The following SAMSN1 variants were observed in gnomAD, a reference collection of about 807,000 sequenced individuals.
The protein encoded by SAMSN1 is SAM domain, SH3 domain and nuclear localization signals 1.
In SAMSN1, 31 loss-of-function variants were observed where a neutral mutation model predicts 42.0. The ratio of observed to expected loss-of-function variants is 0.74; its 90% CI spans 0.55 to 1.00. The LOEUF is 1.00. Among genes scored for constraint, SAMSN1 ranks in the 50% least tolerant of loss-of-function variants. SAMSN1 has a pLI of 0.00. For synonymous variants in SAMSN1, 178 were observed against 151.9 expected (o/e 1.17, Z -1.26); for missense variants, 464 against 439.4 (o/e 1.06, Z -0.50).
chr21:14,612,968 A>T, intron 3 of SAMSN1: 2 of 657,910 alleles, frequency 3.0e-6, no homozygotes, highest in East Asian at 5.5e-5. Flanking sequence ...ATAACATTTT[A>T]ATCAAACAGA....
At chr21:14,631,555 A>G (rs548187188) in intron 2 of SAMSN1, among the ~76,000 whole-genome samples, 4 of 152,266 alleles carry the variant, frequency 2.6e-5, no homozygotes, top group African/African-American at 9.6e-5. Context: ...TTTAATAGAG[A>G]CAGGGTTCAC....
chr21:14,562,816 G>A (rs949189505), intron 2 of SAMSN1, among the ~76,000 whole-genome samples: 1 of 152,052 alleles, frequency 6.6e-6, no homozygotes, highest in Non-Finnish European at 1.5e-5. Flanking sequence ...TAAGGATACT[G>A]TAATACAGCT....
chr21:14,528,767 C>T (rs1327002703), intron 1 of SAMSN1, among the ~76,000 whole-genome samples: 4 of 152,070 alleles, frequency 2.6e-5, no homozygotes, highest in Non-Finnish European at 5.9e-5. Context: ...AATTCTTGCC[C>T]CTCTAATCAT....
chr21:14,649,438 T>A (rs1047537450), intron 1 of SAMSN1, among the ~76,000 whole-genome samples: 8 of 151,638 alleles, frequency 5.3e-5, no homozygotes, highest in Admixed American at 3.3e-4. Context: ...AAAGAAAAAA[T>A]TTTAAAAAAA....
intron 2 of SAMSN1, among the ~76,000 whole-genome samples, chr21:14,578,078 G>T (rs1211354213): frequency 1.3e-5 from 2 of 152,122 alleles, no homozygotes; most frequent in Non-Finnish European, 2.9e-5. Flanking sequence ...TGGGTGCTTT[G>T]ATTTTTGCAA....
intron 4 of SAMSN1, among the ~76,000 whole-genome samples, chr21:14,611,273 G>T (rs1982700319): frequency 6.6e-6 from 1 of 152,166 alleles, no homozygotes; most frequent in African/African-American, 2.4e-5. Flanking sequence ...TAAATGATTT[G>T]CTCAGCTTTG....
chr21:14,567,354 A>G (rs1040309203), intron 2 of SAMSN1, among the ~76,000 whole-genome samples: 5 of 151,698 alleles, frequency 3.3e-5, no homozygotes, highest in African/African-American at 4.8e-5. Flanking sequence ...TTTTATTTAC[A>G]TAAATATCAA....
At chr21:14,605,943 G>A (rs1162293793) in intron 5 of SAMSN1, among the ~76,000 whole-genome samples, 1 of 151,722 alleles carries the variant, frequency 6.6e-6, no homozygotes, top group Non-Finnish European at 1.5e-5. Context: ...CCAGGTTCAC[G>A]CCATTCTCCT....
chr21:14,560,307 C>T lies in SAMSN1; in HGVS notation c.261+21829G>A, dbSNP rs116907200. ...ATTAGAGACATGAAATTGTTTGGTA[C>T]TGAAACCATCTTTGCAAGATTATGG... On this transcript the variant is annotated intron_variant, in intron 2 of 8. Transcript: ENST00000285670. Among the ~76,000 whole-genome samples the T allele has an allele frequency of 5.8e-3, 883 of 152,278 alleles. 8 individuals carry two copies. Among genetic ancestry groups the T allele is most frequent in the Non-Finnish European group, 9.5e-3 (647 of 68,026 alleles).
chr21:14,519,010 T>TAGC (rs1362340724), intron 2 of SAMSN1, among the ~76,000 whole-genome samples: 8 of 152,208 alleles, frequency 5.3e-5, no homozygotes, highest in African/African-American at 1.9e-4. Context: ...TTTTCTAGCG[T>TAGC]TATTTACAGA....
chr21:14,550,808 G>A (rs951595377), upstream of SAMSN1, among the ~76,000 whole-genome samples: 2 of 150,942 alleles, frequency 1.3e-5, no homozygotes, highest in African/African-American at 4.9e-5. Context: ...GGAAAAGAGA[G>A]CTTAGTGAGC....
chr21:14,636,468 A>C (rs1225770532), intron 2 of SAMSN1, among the ~76,000 whole-genome samples: 1 of 151,962 alleles, frequency 6.6e-6, no homozygotes, highest in Non-Finnish European at 1.5e-5. Context: ...TCCAGCCTAG[A>C]CTCCATCTGT....
At chr21:14,524,282 ATGT>A (rs1353064699) in intron 1 of SAMSN1, among the ~76,000 whole-genome samples, 1 of 152,156 alleles carries the variant, frequency 6.6e-6, no homozygotes, top group East Asian at 1.9e-4. Flanking sequence ...AATATTGATA[ATGT>A]TGTTTATATA....
At chr21:14,628,405 G>C (rs1477413799) in intron 2 of SAMSN1, among the ~76,000 whole-genome samples, 1 of 151,730 alleles carries the variant, frequency 6.6e-6, no homozygotes, top group South Asian at 2.1e-4. Flanking sequence ...TACAATTATT[G>C]TGTCAACTAA....
At chr21:14,554,147 T>C (rs1259626498) in intron 2 of SAMSN1, among the ~76,000 whole-genome samples, 1 of 152,202 alleles carries the variant, frequency 6.6e-6, no homozygotes, top group Non-Finnish European at 1.5e-5. Context: ...GCAGAAATGC[T>C]TTCTGATTGT....
At chr21:14,499,491 CA>C (rs11301197) in intron 6 of SAMSN1, among the ~76,000 whole-genome samples, 24,004 of 133,676 alleles carry the variant, frequency 0.18, 1,825 homozygotes, top group African/African-American at 0.24. Context: ...CCCTTTTTAA[CA>C]AAAAAAAAAA....
intron 2 of SAMSN1, among the ~76,000 whole-genome samples, chr21:14,561,588 C>T (rs1262627402): frequency 6.6e-6 from 1 of 152,098 alleles, no homozygotes; most frequent in Non-Finnish European, 1.5e-5. Flanking sequence ...ATTTGGATGG[C>T]ATGTGTTATG....
At chr21:14,548,226 A>G (rs138185175), upstream of SAMSN1, among the ~76,000 whole-genome samples, 34 of 152,320 alleles carry the variant, frequency 2.2e-4, no homozygotes, top group African/African-American at 7.9e-4. Flanking sequence ...GCTTGCACTT[A>G]GTACATGGTA....
chr21:14,494,535 C>T (rs753397604), intron 7 of SAMSN1, among the ~76,000 whole-genome samples: 10 of 152,028 alleles, frequency 6.6e-5, no homozygotes, highest in East Asian at 1.9e-4. Flanking sequence ...GGGAGGGGAA[C>T]ATCACACACC....
Sources: gnomAD v4.1 joint callset for allele counts (sites outside exome capture counted in the v4.1 genomes callset) on GRCh38, gnomAD v4.1.1 for gene constraint, MANE v1.5 for transcripts, NCBI Gene and HGNC (gene_info 2026-07-23, HGNC 2026-07-21) for gene names.